GRIN2A: variants seen among roughly 807,000 people sequenced by gnomAD.
GRIN2A encodes the protein glutamate receptor ionotropic, NMDA 2A.
GRIN2A carries 22 observed loss-of-function variants against 113.4 expected under a neutral mutation model. The observed-to-expected ratio is 0.19, with a 90% CI of 0.14 to 0.28. The LOEUF (loss-of-function observed/expected upper bound fraction) is 0.28. Ranked by LOEUF, GRIN2A falls within the 10% of genes least tolerant of loss-of-function variation. The pLI is 1.00. For synonymous variants in GRIN2A, 827 were observed against 738.4 expected (o/e 1.12, Z -1.94); for missense variants, 1,502 against 1,887.0 (o/e 0.80, Z 3.78).
chr16:9,984,011 C>A (rs2045938014), intron 2 of GRIN2A, among the ~76,000 whole-genome samples: 2 of 152,162 alleles, frequency 1.3e-5, no homozygotes, highest in Non-Finnish European at 2.9e-5. Context: ...TCTAAATTCC[C>A]ACCAGCAATG....
chr16:9,820,593 A>C (rs927531223), intron 10 of GRIN2A, among the ~76,000 whole-genome samples: 5 of 152,260 alleles, frequency 3.3e-5, no homozygotes, highest in Non-Finnish European at 7.3e-5. Context: ...GAAAGCACTG[A>C]AATTACATGC....
chr16:9,814,294 A>G (rs1213333243), intron 10 of GRIN2A, among the ~76,000 whole-genome samples: 1 of 152,222 alleles, frequency 6.6e-6, no homozygotes, highest in Non-Finnish European at 1.5e-5. Flanking sequence ...TTCTATACTT[A>G]CTAATTCTGC....
Position 9,775,521 on chromosome 16 carries a change from A to G in GRIN2A, c.2357-6432T>C, listed in dbSNP as rs1380949396. 3.9e-5 allele frequency among the ~76,000 whole-genome samples: 6 copies of G among 152,242 alleles called. No individual in the cohort carries two copies. The South Asian group carries it at 8.3e-4, about 21-fold the overall frequency. ...TGTGAGAGAGACAGTCATGAAAACCAGTAGTTACGGCAAAATGAGATGATT... is the reference window on the plus strand; with the variant it reads ...TGTGAGAGAGACAGTCATGAAAACCGGTAGTTACGGCAAAATGAGATGATT... On this transcript the variant is annotated intron_variant, in intron 11 of 12. Coordinates refer to ENST00000330684, the MANE Select transcript of GRIN2A (RefSeq NM_001134407.3).
At chr16:9,976,189 T>A (rs990153469) in intron 2 of GRIN2A, among the ~76,000 whole-genome samples, 8 of 152,214 alleles carry the variant, frequency 5.3e-5, no homozygotes, top group Admixed American at 4.6e-4. Context: ...CTTACATAAA[T>A]AATCACCTTG....
intron 2 of GRIN2A, among the ~76,000 whole-genome samples, chr16:10,149,557 T>G (rs991109716): frequency 1.3e-5 from 2 of 152,194 alleles, no homozygotes; most frequent in African/African-American, 4.8e-5. Flanking sequence ...ATTCTTTTCT[T>G]TCTGTTACTC....
At chr16:9,837,534 C>G (rs999968226) in intron 7 of GRIN2A, among the ~76,000 whole-genome samples, 1 of 152,124 alleles carries the variant, frequency 6.6e-6, no homozygotes, top group African/African-American at 2.4e-5. Flanking sequence ...TTCTCTCTAG[C>G]TCACTAAAGA....
chr16:9,887,587 T>C (rs538073843), intron 4 of GRIN2A, among the ~76,000 whole-genome samples: 1 of 152,378 alleles, frequency 6.6e-6, no homozygotes, highest in East Asian at 1.9e-4. Flanking sequence ...TTGATGGACA[T>C]TGAATTATTT....
chr16:9,816,813 T>C (rs1224599633), intron 10 of GRIN2A, among the ~76,000 whole-genome samples: 1 of 152,218 alleles, frequency 6.6e-6, no homozygotes, highest in Non-Finnish European at 1.5e-5. Flanking sequence ...CTGATTCAAC[T>C]GGCTCAGTGG....
chr16:10,069,348 C>T (rs143150080), intron 2 of GRIN2A, among the ~76,000 whole-genome samples: 131 of 152,306 alleles, frequency 8.6e-4, no homozygotes, highest in African/African-American at 2.8e-3. Flanking sequence ...ACTGGGTGGT[C>T]AGGCTGGGCA....
At chr16:9,966,723 C>A (rs556648588) in intron 2 of GRIN2A, among the ~76,000 whole-genome samples, 1 of 152,190 alleles carries the variant, frequency 6.6e-6, no homozygotes, top group Non-Finnish European at 1.5e-5. Context: ...CTGCACTAAT[C>A]TACACTCCCA....
At chr16:9,778,011 G>A (rs1901708286) in intron 11 of GRIN2A, among the ~76,000 whole-genome samples, 1 of 152,340 alleles carries the variant, frequency 6.6e-6, no homozygotes, top group Admixed American at 6.5e-5. Flanking sequence ...GTTGCAGGGA[G>A]CTGAGATCGC....
intron 2 of GRIN2A, among the ~76,000 whole-genome samples, chr16:10,155,074 T>C (rs763944414): frequency 1.3e-5 from 2 of 152,220 alleles, no homozygotes; most frequent in Non-Finnish European, 2.9e-5. Flanking sequence ...GATCCCATGA[T>C]GTACAGCATC....
At chr16:10,011,923 G>C (rs2046513091) in intron 2 of GRIN2A, among the ~76,000 whole-genome samples, 1 of 152,172 alleles carries the variant, frequency 6.6e-6, no homozygotes, top group Admixed American at 6.5e-5. Flanking sequence ...TGTCTCTGCA[G>C]ACAGACAAAA....
At chr16:10,094,883 C>CAAAAA (rs58041208) in intron 2 of GRIN2A, among the ~76,000 whole-genome samples, 14 of 117,412 alleles carry the variant, frequency 1.2e-4, no homozygotes, top group Non-Finnish European at 2.3e-4. Flanking sequence ...GAATGTGCAC[C>CAAAAA]AAAAAAAAAA....
intron 2 of GRIN2A, among the ~76,000 whole-genome samples, chr16:10,017,346 T>TG (rs1157279331): frequency 2.6e-5 from 4 of 150,958 alleles, no homozygotes; most frequent in Non-Finnish European, 5.9e-5. Context: ...TGATGAGTCT[T>TG]GGTGGGGCGG....
At chr16:10,010,446 C>T (rs2046484520) in intron 2 of GRIN2A, among the ~76,000 whole-genome samples, 1 of 152,162 alleles carries the variant, frequency 6.6e-6, no homozygotes, top group South Asian at 2.1e-4. Flanking sequence ...AACAAACTTG[C>T]ACATGAACCC....
intron 4 of GRIN2A, among the ~76,000 whole-genome samples, chr16:9,872,590 A>G (rs780782340): frequency 6.6e-6 from 1 of 152,162 alleles, no homozygotes; most frequent in Non-Finnish European, 1.5e-5. Flanking sequence ...TGAAACTCAA[A>G]TCTTCGGGTA....
chr16:9,934,679 A>T (rs111295535), intron 3 of GRIN2A, among the ~76,000 whole-genome samples: 1,083 of 26,944 alleles, frequency 0.04, 6 homozygotes, highest in Middle Eastern at 0.091. Flanking sequence ...GACTCTGTCT[A>T]AAAAAAAAAA....
At chr16:9,927,785 A>C (rs2044497865) in intron 3 of GRIN2A, among the ~76,000 whole-genome samples, 1 of 152,190 alleles carries the variant, frequency 6.6e-6, no homozygotes, top group African/African-American at 2.4e-5. Context: ...TCACATACAT[A>C]ATGATGCGTT....
Sources: allele counts gnomAD v4.1 joint callset (sites outside exome capture counted in the v4.1 genomes callset), GRCh38; gene constraint gnomAD v4.1.1; transcripts MANE v1.5; gene names NCBI Gene and HGNC (gene_info 2026-07-23, HGNC 2026-07-21).